ABLIM2: variants seen among roughly 807,000 people sequenced by gnomAD.
ABLIM2 encodes actin-binding LIM protein 2.
ABLIM2 carries 53 observed loss-of-function variants against 97.7 expected under a neutral mutation model. The ratio of observed to expected loss-of-function variants is 0.54; its 90% CI spans 0.44 to 0.68. The LOEUF (loss-of-function observed/expected upper bound fraction) is 0.68. Ranked by LOEUF, ABLIM2 falls within the 30% of genes least tolerant of loss-of-function variation. The pLI is 0.00. For missense variants in ABLIM2, 835 were observed against 867.2 expected, an observed-to-expected ratio of 0.96 and a Z score of 0.47; for synonymous variants, 361 against 345.8, an observed-to-expected ratio of 1.04 and a Z score of -0.49.
chr4:8,050,070 G>C (rs1325223751), intron 8 of ABLIM2, among the ~76,000 whole-genome samples: 2 of 152,198 alleles, frequency 1.3e-5, no homozygotes, highest in Non-Finnish European at 2.9e-5. Context: ...GGAAGCTCCT[G>C]CTTTGAGTTG....
intron 4 of ABLIM2, among the ~76,000 whole-genome samples, chr4:8,081,590 C>T (rs910251946): frequency 1.3e-5 from 2 of 152,152 alleles, no homozygotes; most frequent in African/African-American, 2.4e-5. Context: ...GAGCGGGGTG[C>T]GTGTGAGTGC....
intron 17 of ABLIM2, 68 bp from the exon 18 acceptor site, chr4:7,984,961 C>T: frequency 6.5e-7 from 1 of 1,542,026 alleles, no homozygotes; most frequent in Non-Finnish European, 8.8e-7. Flanking sequence ...GGGCAGGGAC[C>T]AGGAGATGTG....
chr4:7,980,791 T>G (rs1335496797), intron 20 of ABLIM2, among the ~76,000 whole-genome samples: 1 of 151,834 alleles, frequency 6.6e-6, no homozygotes, highest in Non-Finnish European at 1.5e-5. Context: ...TTTCCCTTTC[T>G]AGCTCTTTTT....
chr4:8,086,204 A>C (rs563387367), intron 4 of ABLIM2, among the ~76,000 whole-genome samples: 1 of 151,998 alleles, frequency 6.6e-6, no homozygotes, highest in Admixed American at 6.5e-5. Context: ...TGTTCTTTGA[A>C]AATGCAAATT....
chr4:8,039,378 G>T (rs1209189568), intron 9 of ABLIM2, among the ~76,000 whole-genome samples: 3 of 152,174 alleles, frequency 2.0e-5, no homozygotes, highest in Non-Finnish European at 4.4e-5. Context: ...GAACCACCCA[G>T]CCCTGACAGC....
In ABLIM2 at chr4:8,042,826, C is replaced by G. The variant is rs866571100; in HGVS notation, c.900+2338G>C. ...GGCACTCCAGCCTGGGCAACAAGAG[C>G]GAAACTCCAACTCAAAAAAAAAAAA... On this transcript the variant is annotated intron_variant, in intron 9 of 20. Transcript: ENST00000447017. 3.2e-5 allele frequency among the ~76,000 whole-genome samples: 4 copies of G among 123,254 alleles called. No homozygotes were observed. In the Admixed American group the frequency reaches 3.8e-4, roughly 12 times the overall value. The allele number at this position is 123,254 out of a possible 152,430, so 80.9% of individuals were successfully genotyped here.
rs1470495332 is a variant in ABLIM2, at chr4:8,128,265, C to T, written c.11-21628G>A. 6.6e-6 allele frequency among the ~76,000 whole-genome samples: 1 copy of T among 152,146 alleles called. No individual in the cohort carries two copies. Among genetic ancestry groups the T allele is most frequent in the African/African-American group, 2.4e-5 (1 of 41,432 alleles). ...TGGGGTCCGCCCTCATCCACAATGA[C>T]CTCATCTCCATCTTTACCATAATTA... On this transcript the variant is annotated intron_variant, in intron 1 of 20. Transcript: ENST00000447017. The surrounding 1 kb of genome is among the most constrained non-coding windows in gnomAD (Gnocchi z 4.9).
intron 1 of ABLIM2, among the ~76,000 whole-genome samples, chr4:8,151,831 C>A (rs1712919061): frequency 6.8e-6 from 1 of 147,942 alleles, no homozygotes; most frequent in African/African-American, 2.5e-5. Flanking sequence ...AACAGATGGG[C>A]CCTGGGGGGA....
intron 15 of ABLIM2, 93 bp downstream of exon 15, chr4:8,008,957 G>C: frequency 1.4e-6 from 2 of 1,449,006 alleles, no homozygotes; most frequent in South Asian, 1.1e-5. Context: ...GAATGTAAGA[G>C]GAAGATTCGA....
chr4:8,091,861 TTATA>T (rs1434836670), intron 3 of ABLIM2, among the ~76,000 whole-genome samples: 2 of 113,060 alleles, frequency 1.8e-5, no homozygotes, highest in Non-Finnish European at 3.4e-5. Context: ...ATACAATATA[TTATA>T]TATACAATAT....
chr4:7,992,753 C>A lies in ABLIM2; in HGVS notation c.1680+113G>T. 8.3e-7 allele frequency: 1 copy of A among 1,206,234 alleles called. No homozygotes were observed. Among genetic ancestry groups the A allele is most frequent in the East Asian group, 2.6e-5 (1 of 39,082 alleles). 74.7% of individuals were successfully genotyped at this position (1,206,234 alleles called of 1,614,324 possible). On this transcript the variant is annotated intron_variant, in intron 17 of 20. Transcript: ENST00000447017. The surrounding 1 kb of genome is among the most constrained non-coding windows in gnomAD (Gnocchi z 5.7). ...GGGCATCAGGCAGAGGCAGGTGGGC[C>A]GCGGGGTCCCCGGGGCCTCTCCTCC...
intron 3 of ABLIM2, among the ~76,000 whole-genome samples, chr4:8,094,110 T>A (rs1024638692): frequency 6.6e-6 from 1 of 152,242 alleles, no homozygotes; most frequent in Non-Finnish European, 1.5e-5. Context: ...CTACTGCTAA[T>A]TCCTTTCAGG....
intron 8 of ABLIM2, among the ~76,000 whole-genome samples, chr4:8,047,471 TG>T (rs1793325144): frequency 6.6e-6 from 1 of 151,954 alleles, no homozygotes; most frequent in East Asian, 1.9e-4. Flanking sequence ...ACACACCAGG[TG>T]GGCATCAACT....
At chr4:7,972,134 A>T (rs1577553775) in intron 20 of ABLIM2, among the ~76,000 whole-genome samples, 2 of 152,166 alleles carry the variant, frequency 1.3e-5, no homozygotes, top group African/African-American at 4.8e-5. Flanking sequence ...TTGCCCCTCC[A>T]GGAGAGCCTT....
At position 8,036,221 on chromosome 4, in the gene ABLIM2, G is replaced by A. The variant is rs757845244; in HGVS notation, c.975C>T (p.Ile325=). 13 of 1,613,758 alleles carry A rather than the reference G, an allele frequency of 8.1e-6. No homozygotes were observed. Among genetic ancestry groups the A allele is most frequent in the African/African-American group, 2.7e-5 (2 of 74,898 alleles). ...ALPKSKAIYD[I]DRPDMISYSP... is the part of the protein sequence containing the mutation. ...AGTAGGAGATCATGTCGGGGCGGTC[G>A]ATGTCATAGATGGCCTTACTTTTAG... The change falls in exon 10 of 21, where the codon ATC becomes ATT. Residue 325 remains isoleucine, a synonymous_variant. Coordinates refer to ENST00000447017, the MANE Select transcript of ABLIM2 (RefSeq NM_001130083.2).
At chr4:7,997,292 G>T (rs770520687) in intron 16 of ABLIM2, among the ~76,000 whole-genome samples, 3 of 152,138 alleles carry the variant, frequency 2.0e-5, no homozygotes, top group Non-Finnish European at 4.4e-5. Context: ...GGATGGTCTT[G>T]ATCTCTTGAT....
intron 1 of ABLIM2, among the ~76,000 whole-genome samples, chr4:8,115,899 C>A (rs550549269): frequency 2.0e-5 from 3 of 152,178 alleles, no homozygotes; most frequent in Non-Finnish European, 4.4e-5. Context: ...GGGAACCCGG[C>A]GGCCATGCTG....
At chr4:7,984,715 C>T (rs1337754506) in intron 18 of ABLIM2, 124 bp downstream of exon 18, 23 of 1,076,492 alleles carry the variant, frequency 2.1e-5, no homozygotes, top group Non-Finnish European at 1.3e-6. Context: ...CCCGAGGTGT[C>T]CCCGCCCGGC....
At chr4:7,969,545 T>C (rs911577858) in intron 20 of ABLIM2, among the ~76,000 whole-genome samples, 6 of 152,142 alleles carry the variant, frequency 3.9e-5, no homozygotes, top group Non-Finnish European at 7.4e-5. Context: ...TCTGGTCAAC[T>C]ATGAAAAGTG....
Sources: allele counts gnomAD v4.1 joint callset (sites outside exome capture counted in the v4.1 genomes callset), GRCh38; gene constraint gnomAD v4.1.1; non-coding constraint Gnocchi (gnomAD v3.1); transcripts MANE v1.5; gene names NCBI Gene and HGNC (gene_info 2026-07-23, HGNC 2026-07-21).